The following TENT4B variants were observed in gnomAD, a reference collection of about 807,000 sequenced individuals.
The protein encoded by TENT4B is terminal nucleotidyltransferase 4B, also known as PAP associated domain containing 5.
In TENT4B, 10 loss-of-function variants were observed where a neutral mutation model predicts 75.0. The ratio of observed to expected loss-of-function variants is 0.13; its 90% confidence interval spans 0.08 to 0.23. TENT4B has a LOEUF of 0.23. Ranked by LOEUF, TENT4B falls within the 10% of genes least tolerant of loss-of-function variation. The pLI is 1.00. For synonymous variants in TENT4B, 350 were observed against 357.7 expected (o/e 0.98, Z 0.24); for missense variants, 579 against 893.8 (o/e 0.65, Z 4.49).
At chr16:50,159,378 G>A (rs752250721) in intron 1 of TENT4B, among the ~76,000 whole-genome samples, 8 of 151,856 alleles carry the variant, frequency 5.3e-5, no homozygotes, top group Admixed American at 1.3e-4. Context: ...CCAAGTAGCT[G>A]GGATTACAGG....
At chr16:50,169,967 C>G (rs1031451818) in intron 1 of TENT4B, among the ~76,000 whole-genome samples, 1 of 152,196 alleles carries the variant, frequency 6.6e-6, no homozygotes. Flanking sequence ...ACAAAGTTCT[C>G]TCAGCCTAAA....
chr16:50,227,955 G>T lies in TENT4B; in HGVS notation c.1917G>T (p.Met639Ile), dbSNP rs1449435774. Reference sequence around the variant, plus strand: ...AGTCCTCTCAGGCAGTTGGGAAAATGCAAAGCACCCAAACCACTAACACAT... The same window carrying T: ...AGTCCTCTCAGGCAGTTGGGAAAATTCAAAGCACCCAAACCACTAACACAT... ...SLESSQAVGK[M>I]QSTQTTNTSN... Residue 639 changes from methionine to isoleucine, a missense_variant, in exon 11 of 12, where the codon ATG (methionine) becomes ATT (isoleucine). Transcript: ENST00000561678. 1 of 1,613,866 alleles carries T rather than the reference G, an allele frequency of 6.2e-7. No homozygotes were observed. The highest frequency in any genetic ancestry group is 1.3e-5 in the African/African-American group (1 of 74,912).
intron 1 of TENT4B, among the ~76,000 whole-genome samples, chr16:50,163,688 C>T (rs1007498235): frequency 3.3e-5 from 5 of 151,176 alleles, no homozygotes; most frequent in South Asian, 2.1e-4. Flanking sequence ...CATGAGCCAC[C>T]GCGCCCGGCC....
At chr16:50,219,165 A>G (rs948114925) in intron 5 of TENT4B, among the ~76,000 whole-genome samples, 2 of 152,260 alleles carry the variant, frequency 1.3e-5, no homozygotes, top group East Asian at 1.9e-4. Flanking sequence ...ATTCATATGC[A>G]TGATAACATT....
chr16:50,232,937 A>C lies in TENT4B; in HGVS notation c.*3609A>C. ...CTAAATGGTAAACTATCAAAAATAC[A>C]TTCCCAATTTTGCTGTGATAAATAT... On this transcript the variant is annotated 3_prime_UTR_variant, in exon 12 of 12. Coordinates refer to ENST00000561678, the MANE Select transcript of TENT4B (RefSeq NM_001365324.3). 2 of 985,410 alleles carry C rather than the reference A, an allele frequency of 2.0e-6. No individual in the cohort carries two copies. The highest frequency in any genetic ancestry group is 2.4e-6 in the Non-Finnish European group (2 of 829,888). The allele number at this position is 985,410 out of a possible 1,614,324, so 61.0% of individuals were successfully genotyped here. A position where few individuals can be genotyped will look rare whatever the true frequency, so the allele number is the denominator to read the frequency against.
intron 7 of TENT4B, among the ~76,000 whole-genome samples, chr16:50,224,417 A>G (rs1450433185): frequency 6.6e-6 from 1 of 152,190 alleles, no homozygotes; most frequent in Non-Finnish European, 1.5e-5. Context: ...TATGTATGGA[A>G]TGGGATAATT....
chr16:50,180,015 TA>T (rs933937430), intron 1 of TENT4B, among the ~76,000 whole-genome samples: 74 of 150,000 alleles, frequency 4.9e-4, no homozygotes, highest in African/African-American at 1.6e-3. Context: ...CTGAGGAAGT[TA>T]AAAAAAAAAT....
At chr16:50,174,249 C>A (rs113558005) in intron 1 of TENT4B, among the ~76,000 whole-genome samples, 7,179 of 152,052 alleles carry the variant, frequency 0.047, 221 homozygotes, top group East Asian at 0.087. Flanking sequence ...AAGCATGTGC[C>A]ACTGCACCTG....
At position 50,219,079 on chromosome 16, in the gene TENT4B, C is replaced by T. The variant is rs889078542; in HGVS notation, c.1038+1416C>T. On this transcript the variant is annotated intron_variant, in intron 5 of 11. Coordinates refer to ENST00000561678, the MANE Select transcript of TENT4B (RefSeq NM_001365324.3). Reference sequence around the variant, plus strand: ...AAATAAAAGAAAGATTATCCATAATCGCACTATATTGGGGGTGTGTGTGTG... The same window carrying T: ...AAATAAAAGAAAGATTATCCATAATTGCACTATATTGGGGGTGTGTGTGTG... Among the ~76,000 whole-genome samples, 2 of 151,988 alleles carry T rather than the reference C, an allele frequency of 1.3e-5. 1 individual carries two copies. Among genetic ancestry groups the T allele is most frequent in the South Asian group, 4.1e-4 (2 of 4,830 alleles).
intron 1 of TENT4B, among the ~76,000 whole-genome samples, chr16:50,155,055 G>A (rs1597212195): frequency 2.0e-5 from 3 of 152,094 alleles, no homozygotes; most frequent in Admixed American, 6.6e-5. Context: ...TTTCATTCTA[G>A]GGGGTAGAGA....
At chr16:50,193,254 T>G (rs1179975002) in intron 1 of TENT4B, among the ~76,000 whole-genome samples, 3 of 151,990 alleles carry the variant, frequency 2.0e-5, no homozygotes, top group Non-Finnish European at 4.4e-5. Context: ...AGCTTTTTGG[T>G]TCAGGCAAAG....
chr16:50,208,021 TC>T (rs2031078600), intron 1 of TENT4B, among the ~76,000 whole-genome samples: 2 of 152,224 alleles, frequency 1.3e-5, no homozygotes, highest in South Asian at 4.1e-4. Context: ...TCTGAGTATT[TC>T]ACACGTAGCT....
At chr16:50,191,736 A>C (rs528690589) in intron 1 of TENT4B, among the ~76,000 whole-genome samples, 5 of 152,182 alleles carry the variant, frequency 3.3e-5, no homozygotes, top group African/African-American at 1.2e-4. Flanking sequence ...CCTGACCAAC[A>C]TGGAGAAACC....
At chr16:50,202,169 A>G (rs1026121799) in intron 1 of TENT4B, among the ~76,000 whole-genome samples, 23 of 152,160 alleles carry the variant, frequency 1.5e-4, no homozygotes, top group Admixed American at 3.3e-4. Flanking sequence ...AATAATCACC[A>G]CTAGTATGTT....
intron 1 of TENT4B, among the ~76,000 whole-genome samples, chr16:50,190,563 C>T (rs969975023): frequency 1.3e-5 from 2 of 151,942 alleles, no homozygotes; most frequent in African/African-American, 4.9e-5. Flanking sequence ...GCTTCTTTTA[C>T]CTAGCATAGT....
chr16:50,188,231 C>A (rs985537109), intron 1 of TENT4B, among the ~76,000 whole-genome samples: 9 of 152,296 alleles, frequency 5.9e-5, no homozygotes, highest in Non-Finnish European at 1.0e-4. Context: ...GAGGCCGTGG[C>A]AGATTTGGAG....
At position 50,232,233 on chromosome 16, in the gene TENT4B, T is replaced by G. The variant is rs1464444340; in HGVS notation, c.*2905T>G. Reference sequence around the variant, plus strand: ...AGGTGCCTGGTTTTGAATGTCTTTGTTTGGTTTGGAGATGTCGCACTCAGT... The same window carrying G: ...AGGTGCCTGGTTTTGAATGTCTTTGGTTGGTTTGGAGATGTCGCACTCAGT... On this transcript the variant is annotated 3_prime_UTR_variant, in exon 12 of 12. Transcript: ENST00000561678. 2 of 985,270 alleles carry G rather than the reference T, an allele frequency of 2.0e-6. No homozygotes were observed. The highest frequency in any genetic ancestry group is 1.2e-4 in the Admixed American group (2 of 16,262). The allele number at this position is 985,270 out of a possible 1,614,324, so 61.0% of individuals were successfully genotyped here. A position where few individuals can be genotyped will look rare whatever the true frequency, so the allele number is the denominator to read the frequency against.
Position 50,154,060 on chromosome 16 carries a change from G to A in TENT4B, c.439G>A (p.Ala147Thr), listed in dbSNP as rs1597210659. 1 of 1,531,028 alleles carries A rather than the reference G, an allele frequency of 6.5e-7. No homozygotes were observed. The highest frequency in any genetic ancestry group is 8.7e-7 in the Non-Finnish European group (1 of 1,144,896). The allele number at this position is 1,531,028 out of a possible 1,614,324, so 94.8% of individuals were successfully genotyped here. Residue 147 changes from alanine to threonine, a missense_variant, in exon 1 of 12, where the codon GCC (alanine) becomes ACC (threonine). Transcript: ENST00000561678. Reference sequence around the variant, plus strand: ...CCCGCACCCTTCGGCCGCCGTCCCCGCCGCCGATCCAGCCGATTCGGCCTC... The same window carrying A: ...CCCGCACCCTTCGGCCGCCGTCCCCACCGCCGATCCAGCCGATTCGGCCTC... ...SSPHPSAAVP[A>T]ADPADSASGS...
rs1350734860 is a variant in TENT4B, at chr16:50,190,086, AAAAAAAAC to A, written c.639-21233_639-21226del. Among the ~76,000 whole-genome samples, 257 of 123,978 alleles carry A rather than the reference AAAAAAAAC, an allele frequency of 2.1e-3. 6 individuals are homozygous for A. Among genetic ancestry groups the A allele is most frequent in the Middle Eastern group, 4.0e-3 (1 of 250 alleles). 81.3% of individuals were successfully genotyped at this position (123,978 alleles called of 152,430 possible). On this transcript the variant is annotated intron_variant, in intron 1 of 11. Transcript: ENST00000561678. ...GTGAGACTCTGTTTCAAAAAAAAAA[AAAAAAAAC>A]AAAGAAAAGAAAAGAAAGAAAGAAA...
Sources: gnomAD v4.1 joint callset for allele counts (sites outside exome capture counted in the v4.1 genomes callset) on GRCh38, gnomAD v4.1.1 for gene constraint, MANE v1.5 for transcripts, NCBI Gene and HGNC (gene_info 2026-07-23, HGNC 2026-07-21) for gene names.